LIPH: variants seen among roughly 807,000 people sequenced by gnomAD.
The protein encoded by LIPH is lipase member H.
In LIPH, 32 loss-of-function variants were observed where a neutral mutation model predicts 47.6. The ratio of observed to expected loss-of-function variants is 0.67; its 90% CI spans 0.51 to 0.90. The LOEUF (loss-of-function observed/expected upper bound fraction) is 0.90. LIPH is among the 40% of genes least tolerant of loss of function. LIPH has a pLI of 0.00. For missense variants in LIPH, 497 were observed against 541.4 expected (o/e 0.92, Z 0.81); for synonymous variants, 190 against 195.6 (o/e 0.97, Z 0.24).
At chr3:185,528,538 T>C (rs1320005126) in intron 3 of LIPH, among the ~76,000 whole-genome samples, 1 of 152,166 alleles carries the variant, frequency 6.6e-6, no homozygotes, top group Non-Finnish European at 1.5e-5. Context: ...GAATGAACTG[T>C]GATTCAGGAA....
In LIPH at chr3:185,522,683, A is replaced by AAAG. The variant is rs1223237983; in HGVS notation, c.718+1385_718+1387dup. ...GAAAGAAAGAAAGAAAGAAAGAAAG[A>AAAG]AAGAAAGAAAGAAAGAAAGGTGGCC... On this transcript the variant is annotated intron_variant, in intron 5 of 9. Transcript: ENST00000296252. Among the ~76,000 whole-genome samples, 20 of 119,016 alleles carry AAAG rather than the reference A, an allele frequency of 1.7e-4. 2 individuals are homozygous for AAAG. The allele number at this position is 119,016 out of a possible 152,430, so 78.1% of individuals were successfully genotyped here.
In LIPH at chr3:185,533,595, C is replaced by T. The variant is rs371388993; in HGVS notation, c.502G>A (p.Asp168Asn). The T allele has an allele frequency of 3.0e-5, 49 of 1,613,338 alleles. No individual in the cohort carries two copies. The highest frequency in any genetic ancestry group is 2.3e-4 in the African/African-American group (17 of 75,018). Reference protein sequence around the residue: ...HISGFVGEMYDGWLGRITGLD... With the variant: ...HISGFVGEMYNGWLGRITGLD... The stretch of plus-strand genomic sequence containing the variant: ...CCTGTAATTCTCCCCAGCCATCCAT[C>T]GTACATCTCTCCAACAAACCCAGAT... The change falls in exon 3 of 10, where the codon GAT becomes AAT. Residue 168 changes from aspartate to asparagine, a missense_variant. Physicochemically the swap from Asp to Asn is conservative, Grantham distance 23. Transcript: ENST00000296252.
chr3:185,534,512 A>T (rs2148959341), intron 2 of LIPH, among the ~76,000 whole-genome samples: 1 of 152,290 alleles, frequency 6.6e-6, no homozygotes, highest in South Asian at 2.1e-4. Flanking sequence ...TATCATAATA[A>T]ATATATAAAT....
intron 1 of LIPH, among the ~76,000 whole-genome samples, chr3:185,538,973 T>C (rs1054650308): frequency 6.7e-6 from 1 of 150,054 alleles, no homozygotes; most frequent in African/African-American, 2.4e-5. Context: ...ATATATTTTT[T>C]TTTATTTTAT....
chr3:185,542,096 C>A (rs748603744), intron 1 of LIPH, among the ~76,000 whole-genome samples: 17 of 151,984 alleles, frequency 1.1e-4, no homozygotes, highest in Non-Finnish European at 1.9e-4. Flanking sequence ...ATTCATCACC[C>A]CAAAATCAAT....
chr3:185,546,771 C>G (rs2148966216), intron 1 of LIPH: 1 of 350,978 alleles, frequency 2.8e-6, no homozygotes, highest in East Asian at 8.7e-5. Flanking sequence ...CACTACTGCA[C>G]TCCAGCCTGG....
chr3:185,508,530 C>T lies in LIPH; in HGVS notation c.*260G>A, dbSNP rs1719452972. 2.1e-6 allele frequency: 1 copy of T among 487,418 alleles called. No individual in the cohort carries two copies. Among genetic ancestry groups the T allele is most frequent in the Admixed American group, 3.3e-5 (1 of 30,534 alleles). The allele number at this position is 487,418 out of a possible 1,614,324, so 30.2% of individuals were successfully genotyped here. ...TTGACAGGTCGGAACAAGGGAGGCCCCAGGACACAGCAGACACAGCGCTGC... is the reference window on the plus strand; with the variant it reads ...TTGACAGGTCGGAACAAGGGAGGCCTCAGGACACAGCAGACACAGCGCTGC... On this transcript the variant is annotated 3_prime_UTR_variant, in exon 10 of 10. Coordinates refer to ENST00000296252, the MANE Select transcript of LIPH (RefSeq NM_139248.3).
chr3:185,529,372 A>G (rs1333135288), intron 3 of LIPH, among the ~76,000 whole-genome samples: 1 of 150,080 alleles, frequency 6.7e-6, no homozygotes, highest in Non-Finnish European at 1.5e-5. Flanking sequence ...ATAAAATGCA[A>G]GAGTGTCTTT....
Position 185,552,573 on chromosome 3 carries a change from G to A in LIPH, c.-102C>T, listed in dbSNP as rs1721082854. On this transcript the variant is annotated 5_prime_UTR_variant, in exon 1 of 10. Transcript: ENST00000296252. ...GATTTTGCTCACAGTGAGCTCAGAC[G>A]ACTCAGAGGTGTGGTGACAACAGGA... The A allele has an allele frequency of 8.5e-6, 7 of 822,280 alleles. No individual in the cohort carries two copies. Among genetic ancestry groups the A allele is most frequent in the South Asian group, 5.6e-5 (4 of 71,308 alleles). The allele number at this position is 822,280 out of a possible 1,614,324, so 50.9% of individuals were successfully genotyped here.
At chr3:185,521,027 T>C (rs892270591) in intron 5 of LIPH, among the ~76,000 whole-genome samples, 2 of 151,926 alleles carry the variant, frequency 1.3e-5, no homozygotes, top group African/African-American at 2.4e-5. Context: ...GTACCACCAC[T>C]TCCGGCTAAT....
chr3:185,529,548 G>T (rs1577677508), intron 3 of LIPH, among the ~76,000 whole-genome samples: 2 of 150,848 alleles, frequency 1.3e-5, no homozygotes, highest in East Asian at 4.0e-4. Flanking sequence ...AAAAGGCCGG[G>T]ATTACAGGTG....
chr3:185,543,397 T>C (rs971163210), intron 1 of LIPH, among the ~76,000 whole-genome samples: 5 of 152,194 alleles, frequency 3.3e-5, no homozygotes, highest in African/African-American at 4.8e-5. Context: ...ATCAACAGTA[T>C]ATATTAAATC....
intron 3 of LIPH, among the ~76,000 whole-genome samples, chr3:185,528,222 AAGAGAGAGAG>A (rs35994579): frequency 3.6e-5 from 5 of 140,556 alleles, no homozygotes; most frequent in African/African-American, 1.3e-4. Context: ...CGAAGAAAGA[AAGAGAGAGAG>A]AGAGAGAGAG....
intron 6 of LIPH, among the ~76,000 whole-genome samples, chr3:185,518,543 G>T (rs1719803451): frequency 6.6e-6 from 1 of 151,790 alleles, no homozygotes; most frequent in Admixed American, 6.6e-5. Context: ...GCCTCCCAAA[G>T]TGCTGGGATT....
At chr3:185,548,265 C>T (rs1172421873) in intron 1 of LIPH, among the ~76,000 whole-genome samples, 2 of 151,766 alleles carry the variant, frequency 1.3e-5, no homozygotes, top group South Asian at 2.1e-4. Flanking sequence ...ATTAGCTGGG[C>T]GTGGTGGTGG....
At chr3:185,547,840 A>G (rs571720529) in intron 1 of LIPH, among the ~76,000 whole-genome samples, 4 of 151,558 alleles carry the variant, frequency 2.6e-5, no homozygotes, top group African/African-American at 9.7e-5. Context: ...AAAAAAAAAA[A>G]GAAGAAGAAA....
Position 185,534,807 on chromosome 3 carries a change from T to G in LIPH, c.375A>C (p.Arg125Ser), listed in dbSNP as rs554061602. 1 of 1,613,434 alleles carries G rather than the reference T, an allele frequency of 6.2e-7. No homozygotes were observed. The highest frequency in any genetic ancestry group is 2.2e-5 in the East Asian group (1 of 44,886). ...LIYTHASSKT[R>S]KVAMVLKEFI... is the part of the protein sequence containing the mutation. ...ATTCCTTCAAGACCATGGCTACTTT[T>G]CTGGTCTTACTAGAGGCATGGGTAT... Residue 125 changes from arginine to serine, a missense_variant, in exon 2 of 10, where the codon AGA (arginine) becomes AGC (serine). Arg to Ser is a moderately radical substitution (Grantham distance 110). Transcript: ENST00000296252.
chr3:185,540,027 T>C (rs1158328667), intron 1 of LIPH, among the ~76,000 whole-genome samples: 1 of 152,228 alleles, frequency 6.6e-6, no homozygotes, highest in Non-Finnish European at 1.5e-5. Flanking sequence ...TGAAATATTC[T>C]CAGAACTGTG....
intron 3 of LIPH, among the ~76,000 whole-genome samples, chr3:185,530,262 T>C (rs1484880560): frequency 6.6e-6 from 1 of 152,076 alleles, no homozygotes; most frequent in Non-Finnish European, 1.5e-5. Flanking sequence ...TTGGATCACC[T>C]GAGGTCAGGA....
Sources: allele counts gnomAD v4.1 joint callset (sites outside exome capture counted in the v4.1 genomes callset), GRCh38; gene constraint gnomAD v4.1.1; transcripts MANE v1.5; gene names NCBI Gene and HGNC (gene_info 2026-07-23, HGNC 2026-07-21).